COL21A1: variants seen among roughly 807,000 people sequenced by gnomAD.
The protein encoded by COL21A1 is collagen alpha-1(XXI) chain.
COL21A1 carries 149 observed loss-of-function variants against 137.9 expected under a neutral mutation model. The ratio of observed to expected loss-of-function variants is 1.08; its 90% confidence interval spans 0.95 to 1.24. The LOEUF (loss-of-function observed/expected upper bound fraction) is 1.24, where lower values mean the gene tolerates loss of function less well. Among genes scored for constraint, COL21A1 ranks in the 50% most tolerant of loss-of-function variants. The pLI is 0.00. For synonymous variants in COL21A1, 456 were observed against 391.5 expected (o/e 1.16, Z -1.95); for missense variants, 1,167 against 1,158.4 (o/e 1.01, Z -0.11).
At chr6:56,353,976 T>A (rs1315191794) in intron 1 of COL21A1, among the ~76,000 whole-genome samples, 2 of 152,182 alleles carry the variant, frequency 1.3e-5, no homozygotes, top group Non-Finnish European at 1.5e-5. Flanking sequence ...AAACAAAATA[T>A]AAAACATAAT....
intron 23 of COL21A1, among the ~76,000 whole-genome samples, chr6:56,066,234 C>T (rs536583533): frequency 3.3e-5 from 5 of 151,914 alleles, no homozygotes; most frequent in African/African-American, 9.6e-5. Flanking sequence ...TGAAGATTTT[C>T]GATAAAAATT....
intron 1 of COL21A1, among the ~76,000 whole-genome samples, chr6:56,360,452 C>A (rs766800040): frequency 3.3e-5 from 5 of 152,066 alleles, no homozygotes; most frequent in Non-Finnish European, 7.3e-5. Flanking sequence ...ACACTGTGAA[C>A]CTGAGGACTC....
chr6:56,180,400 T>C (rs993764053), intron 2 of COL21A1, among the ~76,000 whole-genome samples: 4 of 152,266 alleles, frequency 2.6e-5, no homozygotes, highest in East Asian at 1.9e-4. Context: ...TTGATAAAAG[T>C]TAAATGAACC....
At chr6:56,166,201 G>A (rs1325449999) in intron 7 of COL21A1, among the ~76,000 whole-genome samples, 3 of 151,710 alleles carry the variant, frequency 2.0e-5, no homozygotes, top group African/African-American at 4.8e-5. Flanking sequence ...CATGTTTAAT[G>A]TACATTATTA....
intron 1 of COL21A1, among the ~76,000 whole-genome samples, chr6:56,386,507 T>C (rs2152352961): frequency 6.6e-6 from 1 of 152,322 alleles, no homozygotes; most frequent in South Asian, 2.1e-4. Context: ...ACCCCCAAAC[T>C]GTTTCCCACA....
At position 56,073,916 on chromosome 6, in the gene COL21A1, T is replaced by C. The variant is rs79338970; in HGVS notation, c.1965+316A>G. The stretch of plus-strand genomic sequence containing the variant: ...TTCTTATTCATAACTATGAATGCTC[T>C]AGACTGGTGGTTTTGGCACTGAGCT... On this transcript the variant is annotated intron_variant, in intron 20 of 29. Coordinates refer to ENST00000244728, the MANE Select transcript of COL21A1 (RefSeq NM_030820.4). Among the ~76,000 whole-genome samples the C allele has an allele frequency of 8.1e-3, 1,235 of 151,572 alleles. 19 individuals are homozygous for C. The highest frequency in any genetic ancestry group is 0.029 in the African/African-American group (1,191 of 41,474).
intron 16 of COL21A1, among the ~76,000 whole-genome samples, chr6:56,116,934 T>C (rs561395764): frequency 2.3e-4 from 35 of 151,700 alleles, no homozygotes; most frequent in Admixed American, 2.0e-3. Context: ...GGCTCATAAA[T>C]ACATACAATG....
At chr6:56,256,164 C>A (rs1782966957) in intron 1 of COL21A1, among the ~76,000 whole-genome samples, 1 of 152,114 alleles carries the variant, frequency 6.6e-6, no homozygotes, top group Non-Finnish European at 1.5e-5. Flanking sequence ...GGTTAAAGAC[C>A]AGGCTAAAAT....
At chr6:56,121,262 T>C (rs573776277) in intron 16 of COL21A1, among the ~76,000 whole-genome samples, 1 of 151,956 alleles carries the variant, frequency 6.6e-6, no homozygotes, top group Admixed American at 6.6e-5. Flanking sequence ...AAATGCATAT[T>C]CTTAAGAGCA....
chr6:56,215,168 A>G (rs2152308772), intron 1 of COL21A1, among the ~76,000 whole-genome samples: 1 of 152,182 alleles, frequency 6.6e-6, no homozygotes, highest in South Asian at 2.1e-4. Context: ...CTCATGGCAA[A>G]GCCTGATGAG....
At chr6:56,059,280 A>G (rs1167663040) in intron 28 of COL21A1, 38 bp from the exon 29 acceptor site, 8 of 1,388,496 alleles carry the variant, frequency 5.8e-6, no homozygotes, top group Non-Finnish European at 7.9e-6. Context: ...TTTACTTAAA[A>G]TCACTGCCTT....
chr6:56,393,027 A>G (rs1423290734), intron 1 of COL21A1, among the ~76,000 whole-genome samples: 4 of 148,186 alleles, frequency 2.7e-5, no homozygotes. Flanking sequence ...CAAAAGACCC[A>G]GGATAACTAA....
chr6:56,078,316 CA>C (rs747577377), intron 17 of COL21A1: 17 of 436,646 alleles, frequency 3.9e-5, no homozygotes, highest in South Asian at 2.7e-4. Flanking sequence ...GATCATTTAT[CA>C]TGCAAAACAG....
At chr6:56,260,891 T>TGTGTGTGTGC (rs1582739777) in intron 1 of COL21A1, among the ~76,000 whole-genome samples, 6 of 150,768 alleles carry the variant, frequency 4.0e-5, no homozygotes, top group East Asian at 4.0e-4. Flanking sequence ...TGTGTGTGTG[T>TGTGTGTGTGC]GTACCTTTTA....
intron 1 of COL21A1, among the ~76,000 whole-genome samples, chr6:56,279,471 A>G (rs1763745109): frequency 1.3e-5 from 2 of 152,180 alleles, no homozygotes; most frequent in African/African-American, 4.8e-5. Context: ...GCTGATAGCA[A>G]CAGCAGGGGC....
intron 1 of COL21A1, among the ~76,000 whole-genome samples, chr6:56,297,470 CA>C: frequency 6.6e-6 from 1 of 152,058 alleles, no homozygotes; most frequent in East Asian, 1.9e-4. Flanking sequence ...TATGGGCCAA[CA>C]TACTCATTTT....
intron 1 of COL21A1, among the ~76,000 whole-genome samples, chr6:56,282,736 C>A: frequency 7.0e-6 from 1 of 143,568 alleles, no homozygotes; most frequent in East Asian, 2.8e-4. Context: ...CAATTGTAAT[C>A]ATCTTGCAAA....
chr6:56,113,649 G>A (rs937750676), intron 16 of COL21A1, among the ~76,000 whole-genome samples: 1 of 152,132 alleles, frequency 6.6e-6, no homozygotes, highest in African/African-American at 2.4e-5. Context: ...TGGTGGCTAT[G>A]GGGTAAAACT....
chr6:56,075,445 A>G (rs1172977967), intron 19 of COL21A1, 34 bp downstream of exon 19: 1 of 1,521,070 alleles, frequency 6.6e-7, no homozygotes, highest in African/African-American at 1.4e-5. Context: ...CACTGCAAAC[A>G]CTTTGATGTA....
Sources: gnomAD v4.1 joint callset for allele counts (sites outside exome capture counted in the v4.1 genomes callset) on GRCh38, gnomAD v4.1.1 for gene constraint, MANE v1.5 for transcripts, NCBI Gene and HGNC (gene_info 2026-07-23, HGNC 2026-07-21) for gene names.